Variants in KLHL29 observed in about 807,000 individuals in gnomAD.
KLHL29 encodes the protein kelch like family member 29.
A neutral mutation model predicts 80.4 loss-of-function variants in KLHL29; 21 were observed. That is an observed-to-expected ratio of 0.26 (90% confidence interval 0.19 to 0.38). The LOEUF is 0.38. Ranked by LOEUF, KLHL29 falls within the 10% of genes least tolerant of loss-of-function variation. The pLI is 1.00. For missense variants in KLHL29, 867 were observed against 1,223.9 expected (o/e 0.71, Z 4.35); for synonymous variants, 511 against 526.8 (o/e 0.97, Z 0.41).
intron 2 of KLHL29, among the ~76,000 whole-genome samples, chr2:23,489,093 A>C (rs1665017063): frequency 6.6e-6 from 1 of 152,208 alleles, no homozygotes; most frequent in Admixed American, 6.5e-5. Flanking sequence ...CCAGCAATAA[A>C]GGAATGAGAG....
intron 2 of KLHL29, among the ~76,000 whole-genome samples, chr2:23,540,238 G>A (rs1255858712): frequency 1.1e-4 from 16 of 152,198 alleles, no homozygotes; most frequent in Admixed American, 1.0e-3. Context: ...TGCCGGGGCC[G>A]TGGTCCACAC....
At chr2:23,486,111 C>T (rs1381202105) in intron 2 of KLHL29, among the ~76,000 whole-genome samples, 1 of 152,136 alleles carries the variant, frequency 6.6e-6, no homozygotes, top group Non-Finnish European at 1.5e-5. Flanking sequence ...GAGAGGTGGC[C>T]CTCCTTGGCC....
intron 3 of KLHL29, among the ~76,000 whole-genome samples, chr2:23,613,234 C>T (rs1210379613): frequency 6.6e-6 from 1 of 152,116 alleles, no homozygotes; most frequent in African/African-American, 2.4e-5. Flanking sequence ...TCAGTAATTA[C>T]ATCAAATGTA....
intron 3 of KLHL29, among the ~76,000 whole-genome samples, chr2:23,633,463 A>G (rs1022757018): frequency 1.3e-5 from 2 of 152,118 alleles, no homozygotes; most frequent in Non-Finnish European, 2.9e-5. Flanking sequence ...GGTAAGATAC[A>G]CAGTAGTCTG....
intron 2 of KLHL29, among the ~76,000 whole-genome samples, chr2:23,481,539 A>G (rs891923915): frequency 6.6e-6 from 1 of 152,188 alleles, no homozygotes; most frequent in Non-Finnish European, 1.5e-5. Context: ...CAGCCACAGT[A>G]GCTGGTCAGC....
At chr2:23,677,526 TGCC>T (rs755173901) in intron 5 of KLHL29, among the ~76,000 whole-genome samples, 2 of 152,214 alleles carry the variant, frequency 1.3e-5, no homozygotes, top group Non-Finnish European at 2.9e-5. Flanking sequence ...GACCCACAGG[TGCC>T]GCCCGCAGGT....
At chr2:23,422,963 ATTT>A (rs1662865437) in intron 1 of KLHL29, among the ~76,000 whole-genome samples, 3 of 152,230 alleles carry the variant, frequency 2.0e-5, no homozygotes, top group African/African-American at 7.2e-5. Flanking sequence ...CCAGCAAGCC[ATTT>A]ATGCCCCTAT....
rs546284765 is a variant in KLHL29, at chr2:23,552,661, A to G, written c.-45-9491A>G. ...CTCCCTGTCTTCTTTAAATATAAAG[A>G]CAATGCCCTAAAGCCTTTGGTTCCA... On this transcript the variant is annotated intron_variant, in intron 2 of 13. Coordinates refer to ENST00000486442, the MANE Select transcript of KLHL29 (RefSeq NM_052920.2). Among the ~76,000 whole-genome samples the G allele has an allele frequency of 4.6e-5, 7 of 152,054 alleles. No individual in the cohort carries two copies. In the South Asian group the frequency reaches 1.5e-3, roughly 32 times the overall value.
chr2:23,625,031 T>C (rs1386780139), intron 3 of KLHL29, among the ~76,000 whole-genome samples: 1 of 152,232 alleles, frequency 6.6e-6, no homozygotes, highest in Admixed American at 6.5e-5. Flanking sequence ...TGCTGACTTC[T>C]GGCCACGGCT....
At chr2:23,580,940 T>C (rs1667965711) in intron 3 of KLHL29, among the ~76,000 whole-genome samples, 1 of 152,188 alleles carries the variant, frequency 6.6e-6, no homozygotes, top group South Asian at 2.1e-4. Context: ...ATCACGCCAC[T>C]GCACTCCAGC....
chr2:23,694,109 C>T (rs1452555588), intron 8 of KLHL29, among the ~76,000 whole-genome samples: 1 of 152,250 alleles, frequency 6.6e-6, no homozygotes, highest in African/African-American at 2.4e-5. Context: ...AGATCTGTGT[C>T]TCAGGCTGAA....
rs140867664 is a variant in KLHL29, at chr2:23,387,980, T to C, written c.-154+2200T>C. Among the ~76,000 whole-genome samples, 1,486 of 152,336 alleles carry C rather than the reference T, an allele frequency of 9.8e-3. 24 individuals are homozygous for C. Among genetic ancestry groups the C allele is most frequent in the African/African-American group, 0.034 (1,426 of 41,576 alleles). ...TTTCTTCTCCTCGGTCTCTCGGTTA[T>C]GGAAATTTATAGGTCTCCAACTTTC... On this transcript the variant is annotated intron_variant, in intron 1 of 13. Transcript: ENST00000486442.
chr2:23,706,709 G>T lies in KLHL29; in HGVS notation c.*45G>T. The T allele has an allele frequency of 7.3e-7, 1 of 1,377,692 alleles. No homozygotes were observed. The highest frequency in any genetic ancestry group is 1.6e-5 in the South Asian group (1 of 64,196). The allele number at this position is 1,377,692 out of a possible 1,614,324, so 85.3% of individuals were successfully genotyped here. ...ATAAGACTGTGGACAAGTCTGGTGA[G>T]GCAAGTGCCACGCAATGATAATTTT... is the stretch of plus-strand genomic sequence containing the variant. On this transcript the variant is annotated 3_prime_UTR_variant, in exon 14 of 14. Transcript: ENST00000486442.
At chr2:23,617,398 C>T (rs533675743) in intron 3 of KLHL29, 1 of 152,362 alleles carries the variant, frequency 6.6e-6, no homozygotes, top group South Asian at 2.1e-4. Flanking sequence ...GCTCTGCCGC[C>T]GCAGCTTCTT....
chr2:23,394,633 T>G (rs1666404184), intron 1 of KLHL29, among the ~76,000 whole-genome samples: 1 of 152,236 alleles, frequency 6.6e-6, no homozygotes, highest in Admixed American at 6.5e-5. Context: ...TATAAATTGC[T>G]TATTTGAATA....
At chr2:23,421,596 C>T (rs992303565) in intron 1 of KLHL29, among the ~76,000 whole-genome samples, 1 of 122,560 alleles carries the variant, frequency 8.2e-6, no homozygotes, top group South Asian at 2.6e-4. Context: ...GTGTCTGTGT[C>T]GGCATGTCTG....
At chr2:23,431,200 T>C (rs1481802069) in intron 1 of KLHL29, among the ~76,000 whole-genome samples, 1 of 152,204 alleles carries the variant, frequency 6.6e-6, no homozygotes, top group Non-Finnish European at 1.5e-5. Context: ...CCAACAGGTC[T>C]TCCTACTCTC....
At chr2:23,630,662 A>G (rs1021224949) in intron 3 of KLHL29, among the ~76,000 whole-genome samples, 3 of 151,714 alleles carry the variant, frequency 2.0e-5, no homozygotes, top group Non-Finnish European at 2.9e-5. Context: ...TTTTTTTTGT[A>G]TTTTTAGTAA....
At chr2:23,521,011 C>G (rs536494363) in intron 2 of KLHL29, among the ~76,000 whole-genome samples, 2 of 152,096 alleles carry the variant, frequency 1.3e-5, no homozygotes, top group African/African-American at 4.8e-5. Flanking sequence ...CCCGCTCCCC[C>G]TCAGGGGTGT....
Sources: allele counts gnomAD v4.1 joint callset (sites outside exome capture counted in the v4.1 genomes callset), GRCh38; gene constraint gnomAD v4.1.1; transcripts MANE v1.5; gene names NCBI Gene and HGNC (gene_info 2026-07-23, HGNC 2026-07-21).